Variants in ATXN7 observed in about 807,000 individuals in gnomAD.
ATXN7 encodes ataxin 7, also known as ataxin-7.
A neutral mutation model predicts 70.5 loss-of-function variants in ATXN7; 12 were observed. That is an observed-to-expected ratio of 0.17 (90% CI 0.11 to 0.28). The LOEUF is 0.28. ATXN7 is among the 10% of genes least tolerant of loss of function. ATXN7 has a pLI of 1.00. For synonymous variants in ATXN7, 498 were observed against 448.7 expected, an observed-to-expected ratio of 1.11 and a Z score of -1.39; for missense variants, 1,256 against 1,131.7, an observed-to-expected ratio of 1.11 and a Z score of -1.58.
chr3:63,952,468 T>C lies in ATXN7; in HGVS notation c.484T>C (p.Phe162Leu). The C allele has an allele frequency of 6.2e-7, 1 of 1,609,576 alleles. No homozygotes were observed. Among genetic ancestry groups the C allele is most frequent in the Non-Finnish European group, 8.5e-7 (1 of 1,177,332 alleles). The change falls in exon 5 of 13, where the codon TTT becomes CTT. Residue 162 changes from phenylalanine to leucine, a missense_variant. Physicochemically the swap from Phe to Leu is conservative, Grantham distance 22. Coordinates refer to ENST00000674280, the MANE Select transcript of ATXN7 (RefSeq NM_001377405.1). ...DCNQVVKPQA[F>L]QSHYERRHSS... ...TAATCAGGTTGTCAAACCGCAGGCA[T>C]TTCAATCACATTATGGTAAGTGCTT...
In ATXN7 at chr3:63,913,198, C is replaced by T; in HGVS notation, c.367C>T (p.Arg123Cys). The T allele has an allele frequency of 6.2e-7, 1 of 1,613,860 alleles. No homozygotes were observed. Among genetic ancestry groups the T allele is most frequent in the Non-Finnish European group, 8.5e-7 (1 of 1,179,970 alleles). Residue 123 changes from arginine to cysteine, a missense_variant, in exon 4 of 13, where the codon CGC becomes TGC. By Grantham distance (180) the Arg-to-Cys change is radical. Coordinates refer to ENST00000674280, the MANE Select transcript of ATXN7 (RefSeq NM_001377405.1). ...AAGTTTCAAGGAGTTTGGGAAAAACCGCGAAGTCATGGGGCTCTGTCGGGA... is the reference window on the plus strand; with the variant it reads ...AAGTTTCAAGGAGTTTGGGAAAAACTGCGAAGTCATGGGGCTCTGTCGGGA... ...DESFKEFGKN[R>C]EVMGLCREDM...
In ATXN7 at chr3:63,998,252, T is replaced by C. The variant is rs1220220461; in HGVS notation, c.2662-1198T>C. On this transcript the variant is annotated intron_variant, in intron 12 of 12. Coordinates refer to ENST00000674280, the MANE Select transcript of ATXN7 (RefSeq NM_001377405.1). Reference sequence around the variant, plus strand: ...AGAGATTGACAGTGCCTACTAGAAATTGGGGGGACATGGAGCAGCTGCTTC... The same window carrying C: ...AGAGATTGACAGTGCCTACTAGAAACTGGGGGGACATGGAGCAGCTGCTTC... The C allele has an allele frequency of 5.5e-5, 28 of 510,734 alleles. No homozygotes were observed. The East Asian group carries it at 7.6e-4, about 14-fold the overall frequency. 31.6% of individuals were successfully genotyped at this position (510,734 alleles called of 1,614,324 possible). A position where few individuals can be genotyped will look rare whatever the true frequency, so the allele number is the denominator to read the frequency against.
chr3:63,972,620 A>T (rs1377693784), intron 5 of ATXN7, among the ~76,000 whole-genome samples: 1 of 152,124 alleles, frequency 6.6e-6, no homozygotes, highest in Non-Finnish European at 1.5e-5. Context: ...GTGTCTTCTG[A>T]GTTCTGTGAG....
At chr3:63,878,511 C>T (rs1393587656) in intron 1 of ATXN7, 1 of 152,272 alleles carries the variant, frequency 6.6e-6, no homozygotes, top group Non-Finnish European at 1.5e-5. Context: ...ATTGTGATAA[C>T]TGCTCACATG....
intron 2 of ATXN7, chr3:63,911,373 T>C (rs1363156739): frequency 6.6e-6 from 1 of 152,204 alleles, no homozygotes; most frequent in Non-Finnish European, 1.5e-5. Context: ...TGCGGGCCAA[T>C]GCTTAATTTA....
chr3:63,990,554 C>CT (rs1328874203), intron 10 of ATXN7, 180 bp downstream of exon 10: 4 of 1,194,848 alleles, frequency 3.3e-6, no homozygotes, highest in Non-Finnish European at 4.7e-6. Context: ...ACATCTCGTG[C>CT]TTTTTTCCCT....
At chr3:63,883,610 C>A (rs1375217324) in intron 1 of ATXN7, among the ~76,000 whole-genome samples, 1 of 151,728 alleles carries the variant, frequency 6.6e-6, no homozygotes. Flanking sequence ...CCTAAATAAT[C>A]CTATGTAACT....
At chr3:63,863,575 T>C, upstream of ATXN7, 1 of 1,196,738 alleles carries the variant, frequency 8.4e-7, no homozygotes, top group Non-Finnish European at 1.0e-6. Flanking sequence ...GCTCGGGCTC[T>C]GGCGAGAGGA....
chr3:63,981,742 T>C (rs2075490633), intron 6 of ATXN7, among the ~76,000 whole-genome samples: 1 of 152,234 alleles, frequency 6.6e-6, no homozygotes, highest in Non-Finnish European at 1.5e-5. Flanking sequence ...TAGTGACATT[T>C]ATTGGAAATA....
intron 4 of ATXN7, among the ~76,000 whole-genome samples, chr3:63,928,049 CAATT>C (rs1010474941): frequency 1.2e-4 from 19 of 152,276 alleles, no homozygotes; most frequent in African/African-American, 4.1e-4. Context: ...ACAAATACAA[CAATT>C]AATTTTTTTA....
chr3:63,962,418 T>G (rs1282560150), intron 5 of ATXN7, among the ~76,000 whole-genome samples: 3 of 151,964 alleles, frequency 2.0e-5, no homozygotes, highest in African/African-American at 7.3e-5. Flanking sequence ...CTGTTTTGTT[T>G]TTTTGAGACA....
At chr3:63,997,338 T>C (rs1389027809) in intron 12 of ATXN7, among the ~76,000 whole-genome samples, 1 of 152,142 alleles carries the variant, frequency 6.6e-6, no homozygotes, top group Non-Finnish European at 1.5e-5. Flanking sequence ...TCTCTTCCCG[T>C]TTTTGAGGGA....
At chr3:63,869,708 A>G (rs989507404) in intron 1 of ATXN7, among the ~76,000 whole-genome samples, 2 of 152,206 alleles carry the variant, frequency 1.3e-5, no homozygotes, top group Non-Finnish European at 2.9e-5. Flanking sequence ...TACAGCTGTG[A>G]GCTACCGCAC....
chr3:63,967,220 C>A (rs1056263880), intron 5 of ATXN7, among the ~76,000 whole-genome samples: 1 of 152,098 alleles, frequency 6.6e-6, no homozygotes, highest in Non-Finnish European at 1.5e-5. Flanking sequence ...GAGAGAAATT[C>A]TTGGATTTAA....
intron 1 of ATXN7, among the ~76,000 whole-genome samples, chr3:63,871,188 A>G (rs1702582161): frequency 6.6e-6 from 1 of 152,210 alleles, no homozygotes; most frequent in Admixed American, 6.5e-5. Context: ...AAATAAAACC[A>G]CTAGAGATTA....
upstream of ATXN7, chr3:63,863,608 G>A (rs567692121): frequency 9.1e-5 from 109 of 1,194,920 alleles, no homozygotes; most frequent in Admixed American, 1.8e-4. Flanking sequence ...GGAAGCAGCC[G>A]GGGAGGCCCG....
intron 4 of ATXN7, among the ~76,000 whole-genome samples, chr3:63,919,819 A>G (rs973776003): frequency 7.2e-6 from 1 of 139,382 alleles, no homozygotes; most frequent in Non-Finnish European, 1.5e-5. Flanking sequence ...GGAGCAGTTC[A>G]CATACAGAGC....
chr3:63,867,751 C>T (rs200669866), intron 1 of ATXN7, among the ~76,000 whole-genome samples: 1 of 151,852 alleles, frequency 6.6e-6, no homozygotes, highest in East Asian at 1.9e-4. Context: ...ATTATCTAGG[C>T]GTGGTGGTGT....
intron 4 of ATXN7, among the ~76,000 whole-genome samples, chr3:63,931,504 C>A (rs987891790): frequency 6.6e-6 from 1 of 152,202 alleles, no homozygotes; most frequent in African/African-American, 2.4e-5. Context: ...CACTTCGGGA[C>A]TTTCTCTTGC....
Sources: gnomAD v4.1 joint callset for allele counts (sites outside exome capture counted in the v4.1 genomes callset) on GRCh38, gnomAD v4.1.1 for gene constraint, MANE v1.5 for transcripts, NCBI Gene and HGNC (gene_info 2026-07-23, HGNC 2026-07-21) for gene names.